The following FTO variants were observed in gnomAD, a reference collection of about 807,000 sequenced individuals.
FTO encodes the protein FTO alpha-ketoglutarate dependent dioxygenase.
A neutral mutation model predicts 63.9 loss-of-function variants in FTO; 47 were observed. That is an observed-to-expected ratio of 0.74 (90% CI 0.58 to 0.94). The LOEUF (loss-of-function observed/expected upper bound fraction) is 0.94. FTO is among the 40% of genes least tolerant of loss of function. The pLI is 0.00. For synonymous variants in FTO, 207 were observed against 224.4 expected, an observed-to-expected ratio of 0.92 and a Z score of 0.69; for missense variants, 562 against 618.1, an observed-to-expected ratio of 0.91 and a Z score of 0.96.
intron 1 of FTO, among the ~76,000 whole-genome samples, chr16:53,728,449 TC>T (rs2076199996): frequency 6.6e-6 from 1 of 152,116 alleles, no homozygotes. Flanking sequence ...ATTCATTCAC[TC>T]AACAGATATT....
At chr16:53,970,698 A>G (rs756612214) in intron 8 of FTO, among the ~76,000 whole-genome samples, 1 of 152,012 alleles carries the variant, frequency 6.6e-6, no homozygotes, top group African/African-American at 2.4e-5. Context: ...GTTGCTTCCA[A>G]CTCCAAACAG....
intron 7 of FTO, among the ~76,000 whole-genome samples, chr16:53,904,730 C>T (rs2081493735): frequency 4.6e-5 from 7 of 152,066 alleles, no homozygotes; most frequent in Admixed American, 4.6e-4. Flanking sequence ...AAGTTATGTT[C>T]CTGTTGGAAT....
intron 8 of FTO, among the ~76,000 whole-genome samples, chr16:54,099,628 A>T (rs981080686): frequency 2.0e-5 from 3 of 152,164 alleles, no homozygotes; most frequent in African/African-American, 4.8e-5. Flanking sequence ...TAGCCCATTC[A>T]TCACTATCAT....
chr16:53,757,514 T>C (rs2076951244), intron 1 of FTO, among the ~76,000 whole-genome samples: 1 of 151,452 alleles, frequency 6.6e-6, no homozygotes, highest in South Asian at 2.1e-4. Flanking sequence ...TATGAATACA[T>C]AATACCTATA....
intron 8 of FTO, among the ~76,000 whole-genome samples, chr16:54,027,742 A>C (rs1280309906): frequency 6.6e-6 from 1 of 152,152 alleles, no homozygotes; most frequent in Non-Finnish European, 1.5e-5. Context: ...AAAATGGAGA[A>C]TGGTACCCCC....
intron 8 of FTO, among the ~76,000 whole-genome samples, chr16:53,977,103 A>G (rs1192556811): frequency 2.0e-5 from 3 of 152,126 alleles, no homozygotes; most frequent in Non-Finnish European, 2.9e-5. Context: ...AAAGTTTTGC[A>G]GTTAACCTGG....
intron 1 of FTO, among the ~76,000 whole-genome samples, chr16:53,741,456 A>G (rs16952491): frequency 0.011 from 1,684 of 152,248 alleles, 29 homozygotes; most frequent in East Asian, 0.041. Flanking sequence ...TTGCTCTTTT[A>G]TTTGTATTGT....
At chr16:53,806,335 A>G (rs2078366973) in intron 1 of FTO, among the ~76,000 whole-genome samples, 1 of 152,206 alleles carries the variant, frequency 6.6e-6, no homozygotes, top group South Asian at 2.1e-4. Context: ...TAGTGCAAAA[A>G]TCAAAACAAT....
chr16:53,742,975 G>A lies in FTO; in HGVS notation c.45+38746G>A, dbSNP rs60777783. ...CAGCCTCTTCTGATTACTCCAGTGT[G>A]CCTTAAAAAATATAATTTTCTGCAC... On this transcript the variant is annotated intron_variant, in intron 1 of 8. Coordinates refer to ENST00000471389, the MANE Select transcript of FTO (RefSeq NM_001080432.3). 9.6e-3 allele frequency among the ~76,000 whole-genome samples: 1,467 copies of A among 152,166 alleles called. 22 individuals carry two copies. The highest frequency in any genetic ancestry group is 0.041 in the East Asian group (210 of 5,172).
chr16:53,972,332 T>C (rs573171015), intron 8 of FTO, among the ~76,000 whole-genome samples: 6 of 152,220 alleles, frequency 3.9e-5, no homozygotes, highest in Admixed American at 2.0e-4. Context: ...GTTGAAGATA[T>C]TGGAAATACT....
chr16:53,923,105 T>C (rs2082046381), intron 7 of FTO: 1 of 152,142 alleles, frequency 6.6e-6, no homozygotes, highest in Non-Finnish European at 1.5e-5. Flanking sequence ...AGAAGAACAA[T>C]GATTTTGTAA....
chr16:53,819,268 C>G (rs1318772565), intron 2 of FTO, among the ~76,000 whole-genome samples: 1 of 152,144 alleles, frequency 6.6e-6, no homozygotes, highest in East Asian at 1.9e-4. Flanking sequence ...TTCCTGGGCT[C>G]AAGCCATCCT....
chr16:53,922,396 C>T (rs190864231), intron 7 of FTO, among the ~76,000 whole-genome samples: 117 of 152,218 alleles, frequency 7.7e-4, no homozygotes, highest in African/African-American at 2.6e-3. Flanking sequence ...CTAATGAATA[C>T]GCAGGCAAGT....
chr16:53,792,886 A>G (rs1044748555), intron 1 of FTO, among the ~76,000 whole-genome samples: 8 of 152,168 alleles, frequency 5.3e-5, no homozygotes, highest in Non-Finnish European at 2.9e-5. Context: ...CAAGGAAGGA[A>G]TTTTAATTAG....
chr16:53,979,564 T>TGC (rs755422362), intron 8 of FTO: 9 of 352,620 alleles, frequency 2.6e-5, no homozygotes, highest in African/African-American at 1.5e-4. Context: ...TGTGTGTGTG[T>TGC]GTGCGCGCGT....
chr16:54,098,192 T>C (rs139800172), intron 8 of FTO, among the ~76,000 whole-genome samples: 236 of 152,312 alleles, frequency 1.5e-3, no homozygotes, highest in African/African-American at 5.6e-3. Context: ...ATATGATCTT[T>C]ATAAATTAGC....
At chr16:53,751,575 T>C (rs1238519217) in intron 1 of FTO, among the ~76,000 whole-genome samples, 1 of 152,234 alleles carries the variant, frequency 6.6e-6, no homozygotes, top group Non-Finnish European at 1.5e-5. Flanking sequence ...TGGTTCCATT[T>C]ATATAAAATG....
intron 6 of FTO, chr16:53,886,907 A>G (rs377078251): frequency 2.0e-5 from 3 of 152,210 alleles, no homozygotes; most frequent in African/African-American, 7.2e-5. Context: ...AAGCCAGACA[A>G]TCCAGCCTGA....
intron 8 of FTO, among the ~76,000 whole-genome samples, chr16:54,082,637 A>G (rs2086176594): frequency 6.6e-6 from 1 of 152,208 alleles, no homozygotes; most frequent in Admixed American, 6.5e-5. Context: ...CAGTAAGGTT[A>G]AACAGATGTA....
Sources: allele counts gnomAD v4.1 joint callset (sites outside exome capture counted in the v4.1 genomes callset), GRCh38; gene constraint gnomAD v4.1.1; transcripts MANE v1.5; gene names NCBI Gene and HGNC (gene_info 2026-07-23, HGNC 2026-07-21).